Variants in USF3 observed in about 807,000 individuals in gnomAD.
USF3 encodes upstream transcription factor family member 3.
USF3 carries 29 observed loss-of-function variants against 157.5 expected under a neutral mutation model. The observed-to-expected ratio is 0.18, with a 90% CI of 0.14 to 0.25. USF3 has a LOEUF of 0.25. Ranked by LOEUF, USF3 falls within the 10% of genes least tolerant of loss-of-function variation. The pLI is 1.00. For missense variants in USF3, 2,381 were observed against 2,667.6 expected (o/e 0.89, Z 2.37); for synonymous variants, 893 against 941.4 (o/e 0.95, Z 0.94).
chr3:113,658,676 T>C lies in USF3; in HGVS notation c.3006A>G (p.Gln1002=), dbSNP rs921964051. 6.2e-7 allele frequency: 1 copy of C among 1,613,984 alleles called. No individual in the cohort carries two copies. The highest frequency in any genetic ancestry group is 1.7e-5 in the Admixed American group (1 of 59,992). The change falls in exon 7 of 7, where the codon CAA becomes CAG. Residue 1002 remains glutamine (Q), a synonymous_variant. Transcript: ENST00000316407. ...TMQTTGLLKG[Q]GLTTLLSDLA... ...GATCAGATAGCAATGTAGTTAAACC[T>C]TGCCCCTTTAAGAGACCTGTGGTTT...
At chr3:113,668,235 C>G (rs1439474429) in intron 5 of USF3, among the ~76,000 whole-genome samples, 1 of 152,068 alleles carries the variant, frequency 6.6e-6, no homozygotes, top group East Asian at 1.9e-4. Flanking sequence ...CAGAGAATTT[C>G]AACCTCAGGG....
At position 113,659,623 on chromosome 3, in the gene USF3, G is replaced by A. The variant is rs773748598; in HGVS notation, c.2059C>T (p.Pro687Ser). Residue 687 changes from proline (P) to serine (S), a missense_variant, in exon 7 of 7, where the codon CCT becomes TCT. By Grantham distance (74) the Pro-to-Ser change is moderately conservative (BLOSUM62 -1). Transcript: ENST00000316407. ...MSSSGTTNQTPMQIIQPTTSE... is the reference protein window; with the variant it reads ...MSSSGTTNQTSMQIIQPTTSE... Reference sequence around the variant, plus strand: ...GTGGTGGGTTGAATAATTTGCATAGGGGTTTGATTTGTAGTTCCTGATGAA... The same window carrying A: ...GTGGTGGGTTGAATAATTTGCATAGAGGTTTGATTTGTAGTTCCTGATGAA... 8.1e-6 allele frequency: 13 copies of A among 1,614,062 alleles called. No individual in the cohort carries two copies. The highest frequency in any genetic ancestry group is 1.0e-5 in the Non-Finnish European group (12 of 1,180,002).
In USF3 at chr3:113,673,337, A is replaced by G. The variant is rs1312508794; in HGVS notation, c.76+11T>C. The G allele has an allele frequency of 5.0e-6, 8 of 1,590,980 alleles. No homozygotes were observed. Among genetic ancestry groups the G allele is most frequent in the Non-Finnish European group, 6.9e-6 (8 of 1,163,142 alleles). ...AAAAATGCTAACAGGTAAAATTTAA[A>G]TTGTTTCTACCTGCATTGTGTGTCT... On this transcript the variant is annotated intron_variant, in intron 4 of 6. Transcript: ENST00000316407.
chr3:113,654,098 T>G lies in USF3; in HGVS notation c.*846A>C, dbSNP rs1337421120. 1 of 152,584 alleles carries G rather than the reference T, an allele frequency of 6.6e-6. No homozygotes were observed. The highest frequency in any genetic ancestry group is 1.5e-5 in the Non-Finnish European group (1 of 68,032). 9.5% of individuals were successfully genotyped at this position (152,584 alleles called of 1,614,324 possible). The stretch of plus-strand genomic sequence containing the variant: ...GAGAGAATACTAAATTAAACTCAGC[T>G]GATGAAACATCCATTGTTAACTGCA... On this transcript the variant is annotated 3_prime_UTR_variant, in exon 7 of 7. Transcript: ENST00000316407.
chr3:113,654,872 A>C lies in USF3; in HGVS notation c.*72T>G. 6.8e-7 allele frequency: 1 copy of C among 1,462,214 alleles called. No homozygotes were observed. Among genetic ancestry groups the C allele is most frequent in the South Asian group, 1.3e-5 (1 of 74,826 alleles). 90.6% of individuals were successfully genotyped at this position (1,462,214 alleles called of 1,614,324 possible). On this transcript the variant is annotated 3_prime_UTR_variant, in exon 7 of 7. Coordinates refer to ENST00000316407, the MANE Select transcript of USF3 (RefSeq NM_001009899.4). ...ACACACAATCCTTCTCTTCATGTAC[A>C]TGTCTGTGCACATGCACGCACAAAT...
At position 113,657,478 on chromosome 3, in the gene USF3, A is replaced by C; in HGVS notation, c.4204T>G (p.Phe1402Val). ...PAHGDGLTRL[F>V]PPSNNFVTPA... is the part of the protein sequence containing the mutation. Reference sequence around the variant, plus strand: ...GTCACAAAGTTGTTACTAGGTGGAAATAATCGTGTAAGGCCATCTCCATGA... The same window carrying C: ...GTCACAAAGTTGTTACTAGGTGGAACTAATCGTGTAAGGCCATCTCCATGA... Residue 1402 changes from phenylalanine (F) to valine (V), a missense_variant, in exon 7 of 7, where the codon TTT (phenylalanine) becomes GTT (valine). This residue lies in a region of USF3 where 1,435 missense variants were observed against 1,550.9 expected (regional missense o/e 0.93). Coordinates refer to ENST00000316407, the MANE Select transcript of USF3 (RefSeq NM_001009899.4). 6.2e-7 allele frequency: 1 copy of C among 1,614,174 alleles called. No individual in the cohort carries two copies. Among genetic ancestry groups the C allele is most frequent in the Non-Finnish European group, 8.5e-7 (1 of 1,180,028 alleles).
Position 113,658,843 on chromosome 3 carries a change from A to G in USF3, c.2839T>C (p.Ser947Pro), listed in dbSNP as rs2107922912. 6.2e-7 allele frequency: 1 copy of G among 1,614,190 alleles called. No homozygotes were observed. The highest frequency in any genetic ancestry group is 2.2e-5 in the East Asian group (1 of 44,884). The change falls in exon 7 of 7, where the codon TCT becomes CCT. Residue 947 changes from serine (S) to proline (P), a missense_variant. Ser to Pro is a moderately conservative substitution (Grantham distance 74). Transcript: ENST00000316407. ...ACCAAAATGTGAGGATCACTTGGAG[A>G]TGGAATCAATACATTGGCTGAAGCG... The part of the protein sequence containing the change: ...PCASANVLIP[S>P]PSDPHILVSQ...
At chr3:113,683,009 T>A in intron 1 of USF3, among the ~76,000 whole-genome samples, 1 of 151,984 alleles carries the variant, frequency 6.6e-6, no homozygotes, top group East Asian at 1.9e-4. Flanking sequence ...CTCCCACCAT[T>A]TTGTTATTTG....
Position 113,661,269 on chromosome 3 carries a change from A to G in USF3, c.413T>C (p.Ile138Thr), listed in dbSNP as rs1416053401. Residue 138 changes from isoleucine to threonine, a missense_variant, in exon 7 of 7, where the codon ATT (isoleucine) becomes ACT (threonine). Around this residue, in one of 6 missense-constraint regions of USF3, gnomAD observed 1,435 missense variants for 1,550.9 expected, o/e 0.93. Coordinates refer to ENST00000316407, the MANE Select transcript of USF3 (RefSeq NM_001009899.4). Reference sequence around the variant, plus strand: ...TTTTTTTTGAACCTGGTCACTAGGAATAACAACAGAGACCTTTGAGTTTTT... The same window carrying G: ...TTTTTTTTGAACCTGGTCACTAGGAGTAACAACAGAGACCTTTGAGTTTTT... Reference protein sequence around the residue: ...NLKNSKVSVVIPSDQVQKKII... With the variant: ...NLKNSKVSVVTPSDQVQKKII... 1 of 1,614,128 alleles carries G rather than the reference A, an allele frequency of 6.2e-7. No homozygotes were observed. The highest frequency in any genetic ancestry group is 2.2e-5 in the East Asian group (1 of 44,894).
At chr3:113,680,340 T>C (rs1707384344) in intron 1 of USF3, among the ~76,000 whole-genome samples, 1 of 152,180 alleles carries the variant, frequency 6.6e-6, no homozygotes, top group African/African-American at 2.4e-5. Flanking sequence ...GTTGTATGTG[T>C]CTAGGAATTT....
intron 1 of USF3, among the ~76,000 whole-genome samples, chr3:113,685,585 C>T (rs1707529979): frequency 2.0e-5 from 3 of 152,048 alleles, no homozygotes; most frequent in South Asian, 2.1e-4. Flanking sequence ...TTATTCTTCC[C>T]TCTCCTTTTC....
intron 6 of USF3, 118 bp from the exon 7 acceptor site, chr3:113,661,543 A>T: frequency 5.4e-6 from 3 of 551,546 alleles, no homozygotes; most frequent in Non-Finnish European, 9.1e-6. Flanking sequence ...AAGTACTTCA[A>T]CCGAGACTCT....
Position 113,665,905 on chromosome 3 carries a change from C to A in USF3, c.160-1496G>T, listed in dbSNP as rs187642030. ...TACATTTAAAAATATATCTTGGCGGCCGGGTACGGTGGCTCATGCCTGTAA... is the reference window on the plus strand; with the variant it reads ...TACATTTAAAAATATATCTTGGCGGACGGGTACGGTGGCTCATGCCTGTAA... On this transcript the variant is annotated intron_variant, in intron 5 of 6. Coordinates refer to ENST00000316407, the MANE Select transcript of USF3 (RefSeq NM_001009899.4). Among the ~76,000 whole-genome samples, 12 of 152,050 alleles carry A rather than the reference C, an allele frequency of 7.9e-5. No individual in the cohort carries two copies. The East Asian group carries it at 2.1e-3, about 27-fold the overall frequency.
In USF3 at chr3:113,677,355, ATCT is replaced by A. The variant is rs1707304516; in HGVS notation, c.-95_-93del. On this transcript the variant is annotated 5_prime_UTR_variant, in exon 2 of 7. It adds an upstream start codon to the 5' untranslated region. Coordinates refer to ENST00000316407, the MANE Select transcript of USF3 (RefSeq NM_001009899.4). ...CTCCCGTTTCTGATCCAAATGTATCATCTTCTGCCAGAAGATGGTCTATGGGTT... is the reference window on the plus strand; with the variant it reads ...CTCCCGTTTCTGATCCAAATGTATCATCTGCCAGAAGATGGTCTATGGGTT... The A allele has an allele frequency of 6.6e-6, 1 of 152,192 alleles. No homozygotes were observed. Among genetic ancestry groups the A allele is most frequent in the Admixed American group, 6.5e-5 (1 of 15,270 alleles). 9.4% of individuals were successfully genotyped at this position (152,192 alleles called of 1,614,324 possible).
At position 113,653,986 on chromosome 3, in the gene USF3, G is replaced by A. The variant is rs1408692012; in HGVS notation, c.*958C>T. On this transcript the variant is annotated 3_prime_UTR_variant, in exon 7 of 7. Transcript: ENST00000316407. ...TTTAAAGTAAGGCTCAAATAAACGT[G>A]TAGATTACAAACACTATTTCCTGAT... The A allele has an allele frequency of 6.6e-6, 1 of 152,140 alleles. No homozygotes were observed. Among genetic ancestry groups the A allele is most frequent in the African/African-American group, 2.4e-5 (1 of 41,424 alleles). The allele number at this position is 152,140 out of a possible 1,614,324, so 9.4% of individuals were successfully genotyped here. A position where few individuals can be genotyped will look rare whatever the true frequency, so the allele number is the denominator to read the frequency against.
chr3:113,664,356 C>T lies in USF3; in HGVS notation c.213G>A (p.Arg71=). The T allele has an allele frequency of 4.3e-6, 7 of 1,610,088 alleles. No homozygotes were observed. The highest frequency in any genetic ancestry group is 2.2e-5 in the East Asian group (1 of 44,744). The change falls in exon 6 of 7, where the codon AGG becomes AGA. Residue 71 remains arginine (R), a synonymous_variant. Coordinates refer to ENST00000316407, the MANE Select transcript of USF3 (RefSeq NM_001009899.4). ...QAFKYITELK[R]QNDELLLNGG... is the part of the protein sequence containing the mutation. ...CATTAAGCAGGAGTTCATCATTTTG[C>T]CTTTTCAATTCTGTTATATATTTAA...
At chr3:113,669,093 T>C (rs1707079559) in intron 5 of USF3, among the ~76,000 whole-genome samples, 1 of 151,906 alleles carries the variant, frequency 6.6e-6, no homozygotes, top group South Asian at 2.1e-4. Context: ...AAGCAACAAA[T>C]GAAATATAAT....
chr3:113,669,871 G>A (rs1464926914), intron 5 of USF3, among the ~76,000 whole-genome samples: 2 of 152,144 alleles, frequency 1.3e-5, no homozygotes, highest in Non-Finnish European at 2.9e-5. Context: ...TGTAAACATA[G>A]TCATGTGATT....
At chr3:113,694,195 G>C (rs764702129) in intron 1 of USF3, among the ~76,000 whole-genome samples, 3 of 152,224 alleles carry the variant, frequency 2.0e-5, no homozygotes, top group Non-Finnish European at 4.4e-5. Context: ...TATGATTAAG[G>C]CTCAAGCTTG....
Sources: gnomAD v4.1 joint callset for allele counts (sites outside exome capture counted in the v4.1 genomes callset) on GRCh38, gnomAD v4.1.1 for gene constraint, gnomAD v4.1.1 regional missense constraint, MANE v1.5 for transcripts, NCBI Gene and HGNC (gene_info 2026-07-23, HGNC 2026-07-21) for gene names.